Variants in TGFBRAP1 observed in about 807,000 individuals in gnomAD.
TGFBRAP1 encodes the protein transforming growth factor-beta receptor-associated protein 1.
TGFBRAP1 carries 20 observed loss-of-function variants against 83.2 expected under a neutral mutation model. The ratio of observed to expected loss-of-function variants is 0.24; its 90% CI spans 0.17 to 0.35. TGFBRAP1 has a LOEUF of 0.35. Ranked by LOEUF, TGFBRAP1 falls within the 10% of genes least tolerant of loss-of-function variation. TGFBRAP1 has a pLI of 1.00. For synonymous variants in TGFBRAP1, 415 were observed against 459.8 expected (o/e 0.90, Z 1.25); for missense variants, 950 against 1,099.4 (o/e 0.86, Z 1.92).
chr2:105,322,945 A>G (rs531281963), intron 1 of TGFBRAP1, among the ~76,000 whole-genome samples: 1 of 152,334 alleles, frequency 6.6e-6, no homozygotes. Flanking sequence ...GGCACACTTC[A>G]GCCGTTCACA....
chr2:105,318,287 T>G (rs1678947174), intron 1 of TGFBRAP1, among the ~76,000 whole-genome samples: 1 of 152,144 alleles, frequency 6.6e-6, no homozygotes, highest in Non-Finnish European at 1.5e-5. Context: ...TAAGAGAATC[T>G]TAAGGGAATG....
intron 1 of TGFBRAP1, among the ~76,000 whole-genome samples, chr2:105,313,002 C>T (rs1678741598): frequency 6.6e-6 from 1 of 152,150 alleles, no homozygotes; most frequent in African/African-American, 2.4e-5. Context: ...ATTCCAGCTA[C>T]TTGAGAGGCT....
chr2:105,297,664 G>A (rs1395269152), intron 3 of TGFBRAP1, among the ~76,000 whole-genome samples: 1 of 152,182 alleles, frequency 6.6e-6, no homozygotes, highest in African/African-American at 2.4e-5. Flanking sequence ...GGTCAACTGG[G>A]GAAATCTGAA....
intron 5 of TGFBRAP1, among the ~76,000 whole-genome samples, chr2:105,282,959 A>T (rs1199824536): frequency 1.3e-5 from 2 of 152,294 alleles, no homozygotes; most frequent in East Asian, 3.9e-4. Flanking sequence ...CAGGCCCCAC[A>T]TCTATTCTCT....
chr2:105,275,716 C>CAAAAAGAA lies in TGFBRAP1; in HGVS notation c.1522-21_1522-14dup. On this transcript the variant is annotated splice_polypyrimidine_tract_variant and intron_variant, in intron 7 of 11. Transcript: ENST00000393359. ...TGTTCACCCACAACTGGAAAGGAATCAAAAAGAAAAAAAGAAAAAGAAAAG... is the reference window on the plus strand; with the variant it reads ...TGTTCACCCACAACTGGAAAGGAATCAAAAAGAAAAAAAGAAAAAAAGAAAAAGAAAAG... 2 of 1,566,314 alleles carry CAAAAAGAA rather than the reference C, an allele frequency of 1.3e-6. No individual in the cohort carries two copies. The highest frequency in any genetic ancestry group is 1.7e-6 in the Non-Finnish European group (2 of 1,160,964).
At position 105,317,176 on chromosome 2, in the gene TGFBRAP1, C is replaced by T. The variant is rs113910016; in HGVS notation, c.-17-8858G>A. 6.9e-3 allele frequency among the ~76,000 whole-genome samples: 1,043 copies of T among 151,656 alleles called. 5 individuals carry two copies. Among genetic ancestry groups the T allele is most frequent in the African/African-American group, 0.024 (978 of 41,096 alleles). On this transcript the variant is annotated intron_variant, in intron 1 of 11. Transcript: ENST00000393359. ...AGATTCTGCCAGGTATAGTGGCTCA[C>T]GCCTGTAATCCCAGCACTCTGGGAG...
chr2:105,319,809 T>G (rs1378253844), intron 1 of TGFBRAP1, among the ~76,000 whole-genome samples: 1 of 150,106 alleles, frequency 6.7e-6, no homozygotes, highest in African/African-American at 2.4e-5. Context: ...TATAGGTATA[T>G]ATGTGTTTAA....
intron 1 of TGFBRAP1, among the ~76,000 whole-genome samples, chr2:105,317,874 C>T (rs1433701005): frequency 6.6e-6 from 1 of 152,102 alleles, no homozygotes; most frequent in African/African-American, 2.4e-5. Context: ...CCAATAAACA[C>T]GAAAGAACAC....
At chr2:105,278,536 C>T (rs533592819) in intron 6 of TGFBRAP1, among the ~76,000 whole-genome samples, 1 of 152,234 alleles carries the variant, frequency 6.6e-6, no homozygotes, top group South Asian at 2.1e-4. Context: ...TTATAACCCG[C>T]GTGACCTTGA....
In TGFBRAP1 at chr2:105,295,584, G is replaced by A. The variant is rs760774293; in HGVS notation, c.1038+772C>T. Among the ~76,000 whole-genome samples the A allele has an allele frequency of 6.8e-4, 103 of 151,976 alleles. 2 individuals carry two copies. Among genetic ancestry groups the A allele is most frequent in the Admixed American group, 3.3e-4 (5 of 15,248 alleles). On this transcript the variant is annotated intron_variant, in intron 4 of 11. Transcript: ENST00000393359. ...TCTCAGCACTTTGGGAGGCGGAGGC[G>A]GGTGGATCACGAGGTCAAGGGATCG...
downstream of TGFBRAP1, among the ~76,000 whole-genome samples, chr2:105,260,919 T>C (rs532988671): frequency 1.3e-4 from 20 of 152,346 alleles, no homozygotes; most frequent in South Asian, 4.1e-3. Context: ...ATAAAGGGAA[T>C]ACATTCTTGT....
intron 7 of TGFBRAP1, 44 bp from the exon 8 acceptor site, chr2:105,275,747 A>G: frequency 6.3e-7 from 1 of 1,575,244 alleles, no homozygotes; most frequent in Non-Finnish European, 8.6e-7. Context: ...AAAAGAAAAA[A>G]CAATCATAAA....
chr2:105,254,664 G>T, the TGFBRAP1 span, among the ~76,000 whole-genome samples: 3 of 152,126 alleles, frequency 2.0e-5, no homozygotes, highest in South Asian at 2.1e-4. Context: ...GGCCTAGGAA[G>T]GGTTTCCAGA....
At chr2:105,310,730 A>G (rs79833370) in intron 1 of TGFBRAP1, among the ~76,000 whole-genome samples, 94 of 152,308 alleles carry the variant, frequency 6.2e-4, no homozygotes, top group African/African-American at 2.2e-3. Flanking sequence ...CCACCTAGAC[A>G]ACATTTTTTT....
At chr2:105,281,561 C>T (rs1444806175) in intron 5 of TGFBRAP1, among the ~76,000 whole-genome samples, 2 of 152,230 alleles carry the variant, frequency 1.3e-5, no homozygotes, top group South Asian at 2.1e-4. Flanking sequence ...GGCTGCCCTT[C>T]CTTCCACTTC....
intron 4 of TGFBRAP1, among the ~76,000 whole-genome samples, chr2:105,295,069 G>A (rs1678038226): frequency 6.6e-6 from 1 of 152,162 alleles, no homozygotes; most frequent in Non-Finnish European, 1.5e-5. Context: ...TCTTCTTTTT[G>A]CCTTTGCTGC....
chr2:105,268,093 G>A (rs1677005478), intron 11 of TGFBRAP1, among the ~76,000 whole-genome samples: 2 of 152,314 alleles, frequency 1.3e-5, no homozygotes, highest in Middle Eastern at 6.8e-3. Flanking sequence ...ATCGGTCCCT[G>A]TCTGATCAAC....
intron 3 of TGFBRAP1, among the ~76,000 whole-genome samples, chr2:105,296,923 T>C (rs766437586): frequency 6.6e-5 from 10 of 152,090 alleles, no homozygotes; most frequent in Non-Finnish European, 1.0e-4. Flanking sequence ...TCCAAGTTAG[T>C]TTATATAAAA....
chr2:105,322,948 C>T (rs552442935), intron 1 of TGFBRAP1, among the ~76,000 whole-genome samples: 2 of 152,246 alleles, frequency 1.3e-5, no homozygotes, highest in African/African-American at 2.4e-5. Flanking sequence ...ACACTTCAGC[C>T]GTTCACAGCT....
Sources: allele counts gnomAD v4.1 joint callset (sites outside exome capture counted in the v4.1 genomes callset), GRCh38; gene constraint gnomAD v4.1.1; transcripts MANE v1.5; gene names NCBI Gene and HGNC (gene_info 2026-07-23, HGNC 2026-07-21).